The following TRMT2B variants were observed in gnomAD, a reference collection of about 807,000 sequenced individuals.
The protein encoded by TRMT2B is tRNA methyltransferase 2B.
In TRMT2B, 34 loss-of-function variants were observed where a neutral mutation model predicts 39.7. The observed-to-expected ratio is 0.86, with a 90% CI of 0.65 to 1.14. The LOEUF (loss-of-function observed/expected upper bound fraction) is 1.14, where lower values mean the gene tolerates loss of function less well. Ranked by LOEUF, TRMT2B falls within the 50% of genes most tolerant of loss-of-function variation. TRMT2B has a pLI of 0.00. For synonymous variants in TRMT2B, 132 were observed against 137.3 expected (o/e 0.96, Z 0.27); for missense variants, 318 against 377.2 (o/e 0.84, Z 1.30).
chrX:101,030,451 A>ATTTTTTTTTTTTTTTTTT (rs1248355991), intron 7 of TRMT2B, among the ~76,000 whole-genome samples: 1 of 46,564 alleles, frequency 2.1e-5, no homozygotes, highest in Non-Finnish European at 3.9e-5. Context: ...ATAGATCTGC[A>ATTTTTTTTTTTTTTTTTT]TTCTTTTTTT....
the TRMT2B span, chrX:100,988,685 C>A: frequency 2.2e-6 from 1 of 450,556 alleles, no homozygotes; most frequent in Non-Finnish European, 3.0e-6. Context: ...AGGAGAAAAG[C>A]ACCTTCCTGT....
chrX:101,004,804 A>G (rs969781449), downstream of TRMT2B, among the ~76,000 whole-genome samples: 1 of 111,568 alleles, frequency 9.0e-6, no homozygotes, highest in African/African-American at 3.3e-5. Flanking sequence ...CCCGGCCATC[A>G]AAAATGTTTT....
At chrX:100,974,016 T>C in the TRMT2B span, 1 of 651,677 alleles carries the variant, frequency 1.5e-6, no homozygotes, top group Non-Finnish European at 2.4e-6. Context: ...GTACATGCAT[T>C]GAGATTACTG....
At chrX:100,998,063 T>G in the TRMT2B span, among the ~76,000 whole-genome samples, 1 of 110,567 alleles carries the variant, frequency 9.0e-6, no homozygotes. Context: ...GAGACCAGCC[T>G]GGCCAACATG....
chrX:101,044,839 C>CAAAA (rs753968399), intron 2 of TRMT2B, among the ~76,000 whole-genome samples: 36 of 30,956 alleles, frequency 1.2e-3, no homozygotes, highest in Non-Finnish European at 1.4e-3. Flanking sequence ...AACTCGGTCT[C>CAAAA]AAAAAAAAAA....
chrX:101,033,952 C>T (rs1461318590), intron 7 of TRMT2B, among the ~76,000 whole-genome samples: 2 of 108,856 alleles, frequency 1.8e-5, no homozygotes, highest in African/African-American at 6.7e-5. Flanking sequence ...AAGGGATTCT[C>T]CTGCCTCAAC....
intron 7 of TRMT2B, among the ~76,000 whole-genome samples, chrX:101,030,674 C>T: frequency 9.2e-6 from 1 of 109,234 alleles, no homozygotes; most frequent in Non-Finnish European, 1.9e-5. Context: ...TCTCAAACTC[C>T]TGACCTTGTG....
intron 7 of TRMT2B, among the ~76,000 whole-genome samples, chrX:101,023,954 T>G (rs1371474579): frequency 1.8e-5 from 2 of 110,835 alleles, no homozygotes; most frequent in African/African-American, 6.6e-5. Context: ...TTCAAGCAAT[T>G]CTCCTGCCTC....
the TRMT2B span, among the ~76,000 whole-genome samples, chrX:100,988,851 CATATATATATATATATAT>C: frequency 1.3e-5 from 1 of 79,688 alleles, no homozygotes; most frequent in Non-Finnish European, 2.3e-5. Context: ...TAATATATCT[CATATATATATATATATAT>C]ATATATATAT....
At position 101,009,877 on chromosome X, in the gene TRMT2B, T is replaced by C. The variant is rs1438149315; in HGVS notation, c.*704A>G. The C allele has an allele frequency of 9.1e-6, 1 of 109,684 alleles. No homozygotes were observed. The highest frequency in any genetic ancestry group is 1.0e-4 in the Admixed American group (1 of 9,823). 9.0% of individuals were successfully genotyped at this position (109,684 alleles called of 1,213,427 possible). ...AACTACCTCAAGAATCCAGAAGTCT[T>C]AGAAATATCTAAAAATTGTAGCATC... On this transcript the variant is annotated 3_prime_UTR_variant, in exon 14 of 14. Transcript: ENST00000372936.
At chrX:100,988,397 G>A in the TRMT2B span, 1 of 1,204,183 alleles carries the variant, frequency 8.3e-7, no homozygotes, top group Non-Finnish European at 1.1e-6. Context: ...ACGAGATTAT[G>A]GTCTAAAAAG....
chrX:101,012,007 G>T (rs998596513), intron 13 of TRMT2B, among the ~76,000 whole-genome samples: 10 of 111,803 alleles, frequency 8.9e-5, no homozygotes, highest in Non-Finnish European at 1.7e-4. Flanking sequence ...TGAAGGATCT[G>T]CCTGAGGCTG....
chrX:101,017,679 T>G (rs2086592153), intron 13 of TRMT2B, among the ~76,000 whole-genome samples: 1 of 111,802 alleles, frequency 8.9e-6, no homozygotes, highest in Admixed American at 9.6e-5. Flanking sequence ...TTGCATTGGG[T>G]GCAAAATTTA....
chrX:100,999,683 G>A, the TRMT2B span, among the ~76,000 whole-genome samples: 1 of 112,288 alleles, frequency 8.9e-6, no homozygotes, highest in Non-Finnish European at 1.9e-5. Context: ...GCACTTGGAA[G>A]TTTGGAAAGA....
At chrX:100,987,408 A>G in the TRMT2B span, 5 of 1,210,878 alleles carry the variant, frequency 4.1e-6, no homozygotes, top group Non-Finnish European at 5.6e-6. Flanking sequence ...TTCAGCCATC[A>G]GAAACCTTGA....
intron 7 of TRMT2B, among the ~76,000 whole-genome samples, chrX:101,031,082 CT>C (rs1315355831): frequency 9.0e-6 from 1 of 110,906 alleles, no homozygotes; most frequent in Non-Finnish European, 1.9e-5. Context: ...AGCAATCCCC[CT>C]GTCTCAGCCC....
At position 101,009,452 on chromosome X, in the gene TRMT2B, C is replaced by T. The variant is rs1246075637; in HGVS notation, c.*1129G>A. ...AGGTATTCAGTCTCTCTGAAAATCTCCTTTCCCTTAGGGTCTCTCCAATAA... is the reference window on the plus strand; with the variant it reads ...AGGTATTCAGTCTCTCTGAAAATCTTCTTTCCCTTAGGGTCTCTCCAATAA... On this transcript the variant is annotated 3_prime_UTR_variant, in exon 14 of 14. Coordinates refer to ENST00000372936, the MANE Select transcript of TRMT2B (RefSeq NM_024917.6). 2 of 110,144 alleles carry T rather than the reference C, an allele frequency of 1.8e-5. No individual in the cohort carries two copies. The highest frequency in any genetic ancestry group is 3.8e-5 in the Non-Finnish European group (2 of 52,851). The allele number at this position is 110,144 out of a possible 1,213,427, so 9.1% of individuals were successfully genotyped here.
chrX:100,998,447 C>T, the TRMT2B span, among the ~76,000 whole-genome samples: 1 of 105,106 alleles, frequency 9.5e-6, no homozygotes. Context: ...CCCAGCTACT[C>T]GGGAGACTGA....
the TRMT2B span, among the ~76,000 whole-genome samples, chrX:100,982,974 C>G: frequency 9.0e-5 from 10 of 110,567 alleles, no homozygotes; most frequent in South Asian, 3.9e-3. Context: ...GCTTGTGTCC[C>G]AAGCCTAGAG....
Sources: allele counts gnomAD v4.1 joint callset (sites outside exome capture counted in the v4.1 genomes callset), GRCh38; gene constraint gnomAD v4.1.1; transcripts MANE v1.5; gene names NCBI Gene and HGNC (gene_info 2026-07-23, HGNC 2026-07-21).